CNTNAP2: variants seen among roughly 807,000 people sequenced by gnomAD.
CNTNAP2 encodes contactin-associated protein-like 2.
CNTNAP2 carries 98 observed loss-of-function variants against 155.2 expected under a neutral mutation model. The observed-to-expected ratio is 0.63, with a 90% CI of 0.54 to 0.75. The LOEUF is 0.75. Ranked by LOEUF, CNTNAP2 falls within the 30% of genes least tolerant of loss-of-function variation. The pLI is 0.00. For missense variants in CNTNAP2, 1,727 were observed against 1,688.1 expected, an observed-to-expected ratio of 1.02 and a Z score of -0.40; for synonymous variants, 651 against 631.2, an observed-to-expected ratio of 1.03 and a Z score of -0.47.
chr7:146,763,970 A>G (rs1300940501), intron 1 of CNTNAP2, among the ~76,000 whole-genome samples: 1 of 152,220 alleles, frequency 6.6e-6, no homozygotes, highest in African/African-American at 2.4e-5. Context: ...TACCTACAGC[A>G]CTTAGTTATT....
intron 1 of CNTNAP2, among the ~76,000 whole-genome samples, chr7:146,641,842 T>C (rs1172642510): frequency 6.6e-6 from 1 of 152,222 alleles, no homozygotes; most frequent in Non-Finnish European, 1.5e-5. Flanking sequence ...TATTAAAACC[T>C]AATATTTTGT....
intron 11 of CNTNAP2, among the ~76,000 whole-genome samples, chr7:147,536,940 GT>G (rs775869408): frequency 6.6e-5 from 10 of 152,082 alleles, no homozygotes; most frequent in Non-Finnish European, 1.2e-4. Flanking sequence ...CCAGTTCTCT[GT>G]CCACACATCT....
intron 3 of CNTNAP2, among the ~76,000 whole-genome samples, chr7:146,980,850 C>G (rs936171350): frequency 6.6e-6 from 1 of 152,116 alleles, no homozygotes; most frequent in Non-Finnish European, 1.5e-5. Flanking sequence ...ATTATATCAT[C>G]GGGTTCCTTC....
intron 8 of CNTNAP2, among the ~76,000 whole-genome samples, chr7:147,221,807 A>T (rs1201531612): frequency 2.0e-5 from 3 of 152,160 alleles, no homozygotes; most frequent in African/African-American, 7.2e-5. Flanking sequence ...CTTTGGCCAG[A>T]CAAAGTCTCC....
At chr7:148,096,401 C>T (rs533662460) in intron 15 of CNTNAP2, among the ~76,000 whole-genome samples, 12 of 151,946 alleles carry the variant, frequency 7.9e-5, no homozygotes, top group Non-Finnish European at 1.3e-4. Flanking sequence ...TATTAAAGTA[C>T]CCCCATTTTG....
At chr7:147,299,340 A>T (rs1218270599) in intron 8 of CNTNAP2, among the ~76,000 whole-genome samples, 1 of 152,192 alleles carries the variant, frequency 6.6e-6, no homozygotes, top group Non-Finnish European at 1.5e-5. Flanking sequence ...CAGCTAATGG[A>T]CAATTCAATC....
chr7:147,621,211 C>T (rs1031218735), intron 12 of CNTNAP2, among the ~76,000 whole-genome samples: 1 of 151,782 alleles, frequency 6.6e-6, no homozygotes, highest in Non-Finnish European at 1.5e-5. Flanking sequence ...CAACACCAGA[C>T]CTGTCCTATG....
intron 9 of CNTNAP2, among the ~76,000 whole-genome samples, chr7:147,364,894 C>T (rs1796201009): frequency 6.6e-6 from 1 of 151,438 alleles, no homozygotes; most frequent in African/African-American, 2.4e-5. Flanking sequence ...ATTACTTTGG[C>T]GTTTTAAAAA....
chr7:147,083,978 A>ATAATG (rs1276406685), intron 4 of CNTNAP2, among the ~76,000 whole-genome samples: 4 of 138,364 alleles, frequency 2.9e-5, no homozygotes, highest in East Asian at 4.2e-4. Flanking sequence ...ATGTGTATAC[A>ATAATG]CATATATGTA....
intron 1 of CNTNAP2, among the ~76,000 whole-genome samples, chr7:146,467,436 T>C (rs895041380): frequency 1.3e-5 from 2 of 152,162 alleles, no homozygotes; most frequent in South Asian, 2.1e-4. Context: ...GGTTTTCAGG[T>C]CATTTCTGAT....
At chr7:146,347,941 GA>G (rs1332710862) in intron 1 of CNTNAP2, among the ~76,000 whole-genome samples, 2 of 152,128 alleles carry the variant, frequency 1.3e-5, no homozygotes, top group African/African-American at 4.8e-5. Flanking sequence ...GAAATTCTAA[GA>G]AGCCTGCATC....
At chr7:146,811,832 C>T (rs747524413) in intron 2 of CNTNAP2, among the ~76,000 whole-genome samples, 2 of 152,064 alleles carry the variant, frequency 1.3e-5, no homozygotes, top group African/African-American at 2.4e-5. Flanking sequence ...CTCATGAGAT[C>T]TGATGGTTTT....
At chr7:148,062,141 G>A (rs1803169243) in intron 15 of CNTNAP2, among the ~76,000 whole-genome samples, 1 of 149,748 alleles carries the variant, frequency 6.7e-6, no homozygotes, top group Non-Finnish European at 1.5e-5. Flanking sequence ...TTAAAAAGAA[G>A]CTAAGTGGTT....
intron 11 of CNTNAP2, among the ~76,000 whole-genome samples, chr7:147,493,254 A>G (rs1798640210): frequency 6.6e-6 from 1 of 152,318 alleles, no homozygotes; most frequent in Admixed American, 6.5e-5. Flanking sequence ...TAATAGCCAC[A>G]CTAGCTGATT....
chr7:147,163,905 C>CA (rs934928452), intron 8 of CNTNAP2, among the ~76,000 whole-genome samples: 27 of 152,030 alleles, frequency 1.8e-4, no homozygotes, highest in Non-Finnish European at 3.1e-4. Flanking sequence ...ATTGAATTTA[C>CA]AAAAAAATGA....
intron 3 of CNTNAP2, among the ~76,000 whole-genome samples, chr7:146,880,034 G>T (rs552268337): frequency 6.6e-6 from 1 of 151,986 alleles, no homozygotes. Context: ...ACAGTATGTG[G>T]GATACCACTC....
intron 1 of CNTNAP2, among the ~76,000 whole-genome samples, chr7:146,242,175 C>T (rs953894564): frequency 6.6e-6 from 1 of 151,992 alleles, no homozygotes; most frequent in East Asian, 1.9e-4. Context: ...TGATAAAATA[C>T]CAGGTATAAA....
intron 12 of CNTNAP2, among the ~76,000 whole-genome samples, chr7:147,577,962 C>T (rs979349243): frequency 3.3e-5 from 5 of 151,964 alleles, no homozygotes; most frequent in African/African-American, 4.8e-5. Context: ...TATTGAAATC[C>T]TAATCTCCAT....
At chr7:146,844,134 A>C (rs1198565821) in intron 3 of CNTNAP2, among the ~76,000 whole-genome samples, 2 of 152,120 alleles carry the variant, frequency 1.3e-5, no homozygotes, top group African/African-American at 2.4e-5. Flanking sequence ...AATATATTAA[A>C]ATAAGCAAAG....
Sources: gnomAD v4.1 joint callset for allele counts (sites outside exome capture counted in the v4.1 genomes callset) on GRCh38, gnomAD v4.1.1 for gene constraint, MANE v1.5 for transcripts, NCBI Gene and HGNC (gene_info 2026-07-23, HGNC 2026-07-21) for gene names.